RAB38: variants seen among roughly 807,000 people sequenced by gnomAD.
RAB38 encodes the protein RAB38, member RAS oncogene family.
In RAB38, 15 loss-of-function variants were observed where a neutral mutation model predicts 18.4. The ratio of observed to expected loss-of-function variants is 0.82; its 90% CI spans 0.55 to 1.26. The LOEUF (loss-of-function observed/expected upper bound fraction) is 1.26, where lower values mean the gene tolerates loss of function less well. RAB38 is among the 50% of genes most tolerant of loss of function. The probability of loss-of-function intolerance (pLI) is 0.00; values close to 1 mark genes in which losing one functional copy is unlikely to be tolerated. For synonymous variants in RAB38, 101 were observed against 104.4 expected, an observed-to-expected ratio of 0.97 and a Z score of 0.20; for missense variants, 294 against 267.4, an observed-to-expected ratio of 1.10 and a Z score of -0.69.
chr11:88,022,611 C>CCAAAAAAA, the RAB38 span, among the ~76,000 whole-genome samples: 24 of 52,096 alleles, frequency 4.6e-4, no homozygotes, highest in African/African-American at 1.6e-3. Context: ...AAAGACCCCA[C>CCAAAAAAA]AAAAAAAAAA....
chr11:87,820,500 G>A, the RAB38 span, among the ~76,000 whole-genome samples: 3 of 152,134 alleles, frequency 2.0e-5, no homozygotes, highest in Admixed American at 6.5e-5. Flanking sequence ...TGGTTCAAAA[G>A]AAACAAAGCC....
chr11:88,163,612 A>G (rs1055705089), intron 1 of RAB38, among the ~76,000 whole-genome samples: 16 of 152,202 alleles, frequency 1.1e-4, no homozygotes, highest in African/African-American at 3.9e-4. Context: ...TAAGTAAGCT[A>G]AAGTGGACAA....
At chr11:87,958,297 G>C in the RAB38 span, among the ~76,000 whole-genome samples, 2 of 152,272 alleles carry the variant, frequency 1.3e-5, no homozygotes, top group African/African-American at 4.8e-5. Context: ...AGGTGTATAA[G>C]ATGCATTTCT....
the RAB38 span, among the ~76,000 whole-genome samples, chr11:87,957,837 T>C: frequency 6.6e-6 from 1 of 152,098 alleles, no homozygotes. Context: ...ACCTTTCTTC[T>C]AAGGCCTACC....
At chr11:88,046,253 A>C in the RAB38 span, among the ~76,000 whole-genome samples, 2 of 152,138 alleles carry the variant, frequency 1.3e-5, no homozygotes, top group African/African-American at 4.8e-5. Context: ...TTACAGCCTA[A>C]AACTCTCCTT....
At chr11:88,163,744 A>G (rs1343282873) in intron 1 of RAB38, among the ~76,000 whole-genome samples, 1 of 152,158 alleles carries the variant, frequency 6.6e-6, no homozygotes, top group Non-Finnish European at 1.5e-5. Flanking sequence ...AAGTATTCTC[A>G]TTAAATTCTG....
chr11:87,834,351 G>A, the RAB38 span, among the ~76,000 whole-genome samples: 1 of 152,190 alleles, frequency 6.6e-6, no homozygotes, highest in Non-Finnish European at 1.5e-5. Flanking sequence ...AGTCTTATGA[G>A]ACTCTAAGCT....
the RAB38 span, among the ~76,000 whole-genome samples, chr11:87,958,596 G>A: frequency 2.0e-5 from 3 of 152,162 alleles, no homozygotes; most frequent in African/African-American, 7.2e-5. Context: ...GTGAGGGAAG[G>A]AAGTAGACAG....
chr11:88,114,253 G>A (rs1942517869), intron 2 of RAB38, 113 bp from the exon 3 acceptor site: 4 of 1,097,534 alleles, frequency 3.6e-6, no homozygotes, highest in South Asian at 1.5e-5. Flanking sequence ...TGCTACATAT[G>A]CATCCCCCTC....
the RAB38 span, among the ~76,000 whole-genome samples, chr11:88,068,428 T>G: frequency 6.6e-6 from 1 of 152,178 alleles, no homozygotes; most frequent in Non-Finnish European, 1.5e-5. Context: ...AATAAACTCA[T>G]TAAAACACAG....
At chr11:87,838,644 C>T in the RAB38 span, among the ~76,000 whole-genome samples, 1 of 152,138 alleles carries the variant, frequency 6.6e-6, no homozygotes, top group Admixed American at 6.6e-5. Context: ...TTGCACAAAT[C>T]TTTTCTGGGA....
the RAB38 span, among the ~76,000 whole-genome samples, chr11:88,052,935 T>TATATATATTTCATATATATATATATATC: frequency 4.7e-5 from 4 of 85,790 alleles, no homozygotes; most frequent in African/African-American, 1.6e-4. Flanking sequence ...TATATATATA[T>TATATATATTTCATATATATATATATATC]ATATATATAA....
intron 1 of RAB38, among the ~76,000 whole-genome samples, chr11:88,173,084 C>T (rs1453554894): frequency 6.6e-6 from 1 of 152,192 alleles, no homozygotes; most frequent in Non-Finnish European, 1.5e-5. Flanking sequence ...GAAGTGCTTT[C>T]GAGCTTGGGA....
the RAB38 span, among the ~76,000 whole-genome samples, chr11:87,970,587 G>A: frequency 5.3e-5 from 8 of 152,158 alleles, no homozygotes; most frequent in South Asian, 1.2e-3. Context: ...TGTTATCCTA[G>A]AAAAGTCATT....
At chr11:87,961,438 A>T in the RAB38 span, among the ~76,000 whole-genome samples, 1 of 152,174 alleles carries the variant, frequency 6.6e-6, no homozygotes, top group Non-Finnish European at 1.5e-5. Flanking sequence ...TCTACAGAGT[A>T]TCACAGCCGT....
the RAB38 span, among the ~76,000 whole-genome samples, chr11:87,853,585 C>T: frequency 6.6e-6 from 1 of 152,068 alleles, no homozygotes; most frequent in African/African-American, 2.4e-5. Context: ...AAGGTAGAAG[C>T]AGTGGAAAAA....
At chr11:87,847,655 A>C in the RAB38 span, among the ~76,000 whole-genome samples, 1 of 152,058 alleles carries the variant, frequency 6.6e-6, no homozygotes, top group Non-Finnish European at 1.5e-5. Context: ...GGGAAGGTAC[A>C]CAGGAGACTG....
intron 2 of RAB38, among the ~76,000 whole-genome samples, chr11:88,146,357 C>T (rs1312707190): frequency 6.6e-6 from 1 of 152,134 alleles, no homozygotes; most frequent in Non-Finnish European, 1.5e-5. Flanking sequence ...AAGTTTGACT[C>T]AGAAGTTTCA....
chr11:88,073,108 C>T, the RAB38 span, among the ~76,000 whole-genome samples: 1 of 152,204 alleles, frequency 6.6e-6, no homozygotes, highest in African/African-American at 2.4e-5. Flanking sequence ...GGACAATCAA[C>T]TTCCCCACCA....
Sources: allele counts gnomAD v4.1 joint callset (sites outside exome capture counted in the v4.1 genomes callset), GRCh38; gene constraint gnomAD v4.1.1; transcripts MANE v1.5; gene names NCBI Gene and HGNC (gene_info 2026-07-23, HGNC 2026-07-21).